KMT2C: variants seen among roughly 807,000 people sequenced by gnomAD.
The protein encoded by KMT2C is lysine methyltransferase 2C, also known as histone-lysine N-methyltransferase 2C.
KMT2C carries 88 observed loss-of-function variants against 507.9 expected under a neutral mutation model. The observed-to-expected ratio is 0.17, with a 90% CI of 0.15 to 0.21. The LOEUF (loss-of-function observed/expected upper bound fraction) is 0.21, where lower values mean the gene tolerates loss of function less well. KMT2C is among the 10% of genes least tolerant of loss of function. The pLI is 1.00. For missense variants in KMT2C, 4,954 were observed against 5,957.8 expected, an observed-to-expected ratio of 0.83 and a Z score of 5.55; for synonymous variants, 2,049 against 2,080.8, an observed-to-expected ratio of 0.98 and a Z score of 0.42.
At chr7:152,354,784 A>G (rs1410703352) in intron 2 of KMT2C, among the ~76,000 whole-genome samples, 4 of 152,210 alleles carry the variant, frequency 2.6e-5, no homozygotes, top group African/African-American at 7.2e-5. Context: ...ACAAGGGAAC[A>G]TAAGATACGG....
In KMT2C at chr7:152,182,955, T is replaced by A; in HGVS notation, c.5265+19A>T. On this transcript the variant is annotated intron_variant, in intron 35 of 58. Coordinates refer to ENST00000262189, the MANE Select transcript of KMT2C (RefSeq NM_170606.3). Reference sequence around the variant, plus strand: ...CAAAAATGCAACTTCAAAAAGTAGATTATCCAAAAATTCCATACCTGTCTA... The same window carrying A: ...CAAAAATGCAACTTCAAAAAGTAGAATATCCAAAAATTCCATACCTGTCTA... 1 of 1,532,386 alleles carries A rather than the reference T, an allele frequency of 6.5e-7. No homozygotes were observed. Among genetic ancestry groups the A allele is most frequent in the Non-Finnish European group, 8.8e-7 (1 of 1,142,698 alleles). The allele number at this position is 1,532,386 out of a possible 1,614,324, so 94.9% of individuals were successfully genotyped here.
Position 152,402,205 on chromosome 7 carries a change from A to G in KMT2C, c.161+33421T>C. Among the ~76,000 whole-genome samples, 4 of 152,312 alleles carry G rather than the reference A, an allele frequency of 2.6e-5. No individual in the cohort carries two copies. The East Asian group carries it at 7.7e-4, about 29-fold the overall frequency. ...GAAAGTTCTGATATAAACTGCAGAG[A>G]TAACTAGCAGAGAAATTAAAAGTGA... On this transcript the variant is annotated intron_variant, in intron 1 of 58. Coordinates refer to ENST00000262189, the MANE Select transcript of KMT2C (RefSeq NM_170606.3).
rs1408525732 is a variant in KMT2C at position 152,204,220 on chromosome 7, C to T, written c.3961+886G>A. On this transcript the variant is annotated intron_variant, in intron 25 of 58. Transcript: ENST00000262189. ...CGCTGACGCACGAGAATTGCTTGGA[C>T]TCGGGAGGTGAAGGTTGCAGTGAGC... Among the ~76,000 whole-genome samples, 3 of 152,062 alleles carry T rather than the reference C, an allele frequency of 2.0e-5. No individual in the cohort carries two copies. In the East Asian group the frequency reaches 5.8e-4, roughly 29 times the overall value.
intron 40 of KMT2C, among the ~76,000 whole-genome samples, chr7:152,170,454 G>A (rs1019104815): frequency 7.2e-5 from 11 of 152,068 alleles, no homozygotes; most frequent in Non-Finnish European, 1.6e-4. Context: ...CTTTCAACAA[G>A]GATGGGAAGA....
intron 26 of KMT2C, among the ~76,000 whole-genome samples, chr7:152,201,620 A>G (rs933856237): frequency 2.9e-4 from 37 of 128,498 alleles, no homozygotes; most frequent in African/African-American, 1.2e-3. Flanking sequence ...CAAAGATGAA[A>G]AAAAAAAAAA....
At chr7:152,419,552 T>A (rs974140036) in intron 1 of KMT2C, among the ~76,000 whole-genome samples, 6 of 152,234 alleles carry the variant, frequency 3.9e-5, no homozygotes, top group Non-Finnish European at 1.5e-5. Flanking sequence ...GTTCCAGTTT[T>A]ACAGTTGTTG....
At chr7:152,161,173 C>A (rs1036207704) in intron 43 of KMT2C, among the ~76,000 whole-genome samples, 2 of 152,030 alleles carry the variant, frequency 1.3e-5, no homozygotes, top group African/African-American at 4.8e-5. Flanking sequence ...AAAAGCATAA[C>A]CAGTAAAATT....
At chr7:152,242,720 T>A (rs2095408539) in intron 14 of KMT2C, among the ~76,000 whole-genome samples, 1 of 152,224 alleles carries the variant, frequency 6.6e-6, no homozygotes, top group South Asian at 2.1e-4. Flanking sequence ...ATAGGCTATT[T>A]AGAAGCAACT....
intron 6 of KMT2C, among the ~76,000 whole-genome samples, chr7:152,306,034 T>C (rs761731832): frequency 2.0e-5 from 3 of 152,218 alleles, no homozygotes; most frequent in Non-Finnish European, 2.9e-5. Flanking sequence ...TATATTTCTG[T>C]ATGTCTGTGT....
In KMT2C at chr7:152,397,075, A is replaced by C. The variant is rs370305580; in HGVS notation, c.162-38400T>G. On this transcript the variant is annotated intron_variant, in intron 1 of 58. Coordinates refer to ENST00000262189, the MANE Select transcript of KMT2C (RefSeq NM_170606.3). Reference sequence around the variant, plus strand: ...TCCACTAAGATCAATCTCTAATCTAAGTAAATGACATTTCTGTCCACTCAA... The same window carrying C: ...TCCACTAAGATCAATCTCTAATCTACGTAAATGACATTTCTGTCCACTCAA... 4.4e-4 allele frequency among the ~76,000 whole-genome samples: 67 copies of C among 152,336 alleles called. 1 individual carries two copies. The highest frequency in any genetic ancestry group is 1.6e-3 in the African/African-American group (65 of 41,584).
chr7:152,434,302 A>C (rs554250176), intron 1 of KMT2C, among the ~76,000 whole-genome samples: 100 of 152,324 alleles, frequency 6.6e-4, no homozygotes, highest in African/African-American at 2.4e-3. Flanking sequence ...GCTAGGTAAC[A>C]GCTGGCAATA....
intron 1 of KMT2C, among the ~76,000 whole-genome samples, chr7:152,429,422 G>A (rs1047660072): frequency 2.0e-5 from 3 of 152,116 alleles, no homozygotes; most frequent in African/African-American, 7.2e-5. Flanking sequence ...AAAAAGAGCT[G>A]TGTCATTTGT....
intron 9 of KMT2C, among the ~76,000 whole-genome samples, chr7:152,260,941 T>C (rs1265615581): frequency 2.0e-5 from 3 of 152,204 alleles, no homozygotes; most frequent in Admixed American, 6.5e-5. Context: ...ACATTTATAA[T>C]CATTTACATT....
chr7:152,383,773 AC>A (rs1267942441), intron 1 of KMT2C, among the ~76,000 whole-genome samples: 6 of 152,196 alleles, frequency 3.9e-5, no homozygotes, highest in Non-Finnish European at 7.4e-5. Flanking sequence ...GGGATAACAG[AC>A]CCTACCTTAG....
At chr7:152,422,154 T>C (rs533084767) in intron 1 of KMT2C, among the ~76,000 whole-genome samples, 1 of 151,964 alleles carries the variant, frequency 6.6e-6, no homozygotes, top group African/African-American at 2.4e-5. Context: ...GGTCAAAAAC[T>C]GGAGGCTTAG....
chr7:152,392,647 T>C (rs2097508051), intron 1 of KMT2C, among the ~76,000 whole-genome samples: 1 of 152,220 alleles, frequency 6.6e-6, no homozygotes, highest in Non-Finnish European at 1.5e-5. Context: ...TCATTGTATT[T>C]TGTGTGAATG....
intron 3 of KMT2C, among the ~76,000 whole-genome samples, chr7:152,327,168 CA>C (rs571171664): frequency 1.4e-3 from 219 of 152,350 alleles, no homozygotes; most frequent in Admixed American, 2.5e-3. Flanking sequence ...GCATGAGCAT[CA>C]ATCTACCTAT....
intron 41 of KMT2C, among the ~76,000 whole-genome samples, chr7:152,167,792 T>C (rs1449451701): frequency 2.0e-5 from 3 of 152,190 alleles, no homozygotes; most frequent in Non-Finnish European, 2.9e-5. Context: ...GTCTAGCGCA[T>C]AGACTAGGAA....
intron 6 of KMT2C, among the ~76,000 whole-genome samples, chr7:152,308,672 T>C (rs1589092371): frequency 5.4e-5 from 2 of 36,884 alleles, no homozygotes; most frequent in African/African-American, 2.1e-4. Flanking sequence ...AAAACTCCTC[T>C]CAAAAAAAAA....
Sources: gnomAD v4.1 joint callset for allele counts (sites outside exome capture counted in the v4.1 genomes callset) on GRCh38, gnomAD v4.1.1 for gene constraint, MANE v1.5 for transcripts, NCBI Gene and HGNC (gene_info 2026-07-23, HGNC 2026-07-21) for gene names.